PTOV1: variants seen among roughly 807,000 people sequenced by gnomAD.
The protein encoded by PTOV1 is PTOV1 extended AT-hook containing adaptor protein.
In PTOV1, 20 loss-of-function variants were observed where a neutral mutation model predicts 58.0. The observed-to-expected ratio is 0.34, with a 90% CI of 0.24 to 0.50. PTOV1 has a LOEUF of 0.50. PTOV1 is among the 20% of genes least tolerant of loss of function. The pLI is 0.98. For synonymous variants in PTOV1, 335 were observed against 234.2 expected (o/e 1.43, Z -3.93); for missense variants, 593 against 565.4 (o/e 1.05, Z -0.50).
In PTOV1 at chr19:49,858,496, G is replaced by A. The variant is rs545586929; in HGVS notation, c.937-53G>A. The A allele has an allele frequency of 2.6e-4, 381 of 1,447,598 alleles. 1 individual carries two copies. The African/African-American group carries it at 4.5e-3, about 17-fold the overall frequency. The allele number at this position is 1,447,598 out of a possible 1,614,324, so 89.7% of individuals were successfully genotyped here. On this transcript the variant is annotated intron_variant, in intron 9 of 11. Transcript: ENST00000391842. The stretch of plus-strand genomic sequence containing the variant: ...CGGGGGACTCAGCGGGCTGGGAGCC[G>A]GGAGGCCGTGGTGGGAGAAGCCAGA...
intron 9 of PTOV1, chr19:49,858,344 C>G (rs1600393773): frequency 1.4e-6 from 1 of 690,872 alleles, no homozygotes; most frequent in African/African-American, 1.8e-5. Flanking sequence ...CCACGACCTG[C>G]ACCTGGGGGG....
exon 10 of PTOV1, chr19:49,858,573 A>G (rs564883419): frequency 1.2e-6 from 2 of 1,603,910 alleles, no homozygotes; most frequent in Non-Finnish European, 8.5e-7. Flanking sequence ...GCTGTTCCGG[A>G]ACTCGCGCCT....
chr19:49,851,627 G>A, intron 1 of PTOV1, 128 bp downstream of exon 1: 1 of 1,074,746 alleles, frequency 9.3e-7, no homozygotes, highest in Non-Finnish European at 1.2e-6. Context: ...GGGTGGTCCC[G>A]CCCGGGGCCG....
At chr19:49,853,249 T>C (rs542065671) in intron 1 of PTOV1, 2 of 152,378 alleles carry the variant, frequency 1.3e-5, no homozygotes, top group Non-Finnish European at 1.5e-5. Context: ...CCTTATAATT[T>C]GTTTTCCCCC....
exon 7 of PTOV1, chr19:49,857,706 G>C: frequency 1.2e-6 from 2 of 1,614,054 alleles, no homozygotes; most frequent in Non-Finnish European, 1.7e-6. Context: ...GTGGGACCTG[G>C]TGGTGTCAAC....
chr19:49,860,406 G>A, exon 12 of PTOV1: 1 of 1,349,016 alleles, frequency 7.4e-7, no homozygotes, highest in South Asian at 1.4e-5. Context: ...TGGGAAAGAA[G>A]CAGGGCGACC....
At chr19:49,858,283 TC>T in intron 9 of PTOV1, 169 bp downstream of exon 9, 1 of 912,128 alleles carries the variant, frequency 1.1e-6, no homozygotes, top group Non-Finnish European at 1.6e-6. Flanking sequence ...CTTCAAGGGG[TC>T]CCAGGCAGCC....
rs369577757 is a variant in PTOV1, at chr19:49,856,970, C to T, written c.559-5C>T. Reference sequence around the variant, plus strand: ...CCACAGGGTCCTGACCCGCGGCCCCCGCAGGCGGGCTGCATGCTGTTCCCC... The same window carrying T: ...CCACAGGGTCCTGACCCGCGGCCCCTGCAGGCGGGCTGCATGCTGTTCCCC... On this transcript the variant is annotated splice_region_variant and splice_polypyrimidine_tract_variant and intron_variant, in intron 5 of 11. Coordinates refer to ENST00000391842, the Ensembl canonical transcript of PTOV1. The T allele has an allele frequency of 3.3e-5, 53 of 1,612,402 alleles. No homozygotes were observed. Among genetic ancestry groups the T allele is most frequent in the South Asian group, 1.3e-4 (12 of 91,012 alleles).
chr19:49,854,924 C>T (rs1474647268), intron 4 of PTOV1, 36 bp downstream of exon 4: 1 of 1,556,190 alleles, frequency 6.4e-7, no homozygotes, highest in South Asian at 1.2e-5. Flanking sequence ...CCACTCTGAG[C>T]ACCCCCATGC....
intron 1 of PTOV1, 23 bp from the exon 2 acceptor site, chr19:49,854,383 A>AC (rs2074370615): frequency 1.3e-6 from 2 of 1,596,362 alleles, no homozygotes. Flanking sequence ...CAGTTTTCCC[A>AC]CCTATCCCCC....
rs2074382441 is a variant in PTOV1 at position 49,854,651 on chromosome 19, G to C, written c.310-1G>C. On this transcript the variant is annotated splice_acceptor_variant, in intron 2 of 11. Transcript: ENST00000391842. LOFTEE classifies it high-confidence loss of function. ...CAGTGACGCCCCTCCTGCCCCCACA[G>C]AAGCGCAGACCCTACTCTGACTCCA... 6.2e-7 allele frequency: 1 copy of C among 1,613,318 alleles called. No homozygotes were observed. The highest frequency in any genetic ancestry group is 8.5e-7 in the Non-Finnish European group (1 of 1,179,954).
intron 10 of PTOV1, among the ~76,000 whole-genome samples, chr19:49,859,645 C>T (rs974451489): frequency 1.3e-5 from 2 of 152,152 alleles, no homozygotes; most frequent in African/African-American, 4.8e-5. Flanking sequence ...TTGTGCTGGG[C>T]CGGCCGCTGC....
upstream of PTOV1, chr19:49,850,735 A>C: frequency 1.1e-6 from 1 of 944,274 alleles, no homozygotes; most frequent in South Asian, 1.8e-5. Flanking sequence ...GCAAACCTTC[A>C]GCTGTCTCAG....
exon 12 of PTOV1, chr19:49,860,270 G>C: frequency 6.2e-7 from 1 of 1,613,204 alleles, no homozygotes; most frequent in Non-Finnish European, 8.5e-7. Flanking sequence ...CGCCGTAGAT[G>C]GGGGGGTAGT....
At chr19:49,851,352 G>T (rs1391715072) in exon 1 of PTOV1, 1 of 1,084,394 alleles carries the variant, frequency 9.2e-7, no homozygotes, top group African/African-American at 1.8e-5. Context: ...GCCGTGCCCC[G>T]TACCGCTCCG....
rs749343324 is a variant in PTOV1 at position 49,858,608 on chromosome 19, C to G, written c.996C>G (p.Asp332Glu). The G allele has an allele frequency of 3.7e-6, 6 of 1,606,088 alleles. No homozygotes were observed. In the African/African-American group the frequency reaches 6.7e-5, roughly 18 times the overall value. The change falls in exon 10 of 12, where the codon GAC becomes GAG. Residue 332 changes from aspartate (D) to glutamate (E), a missense_variant. By Grantham distance (45) the Asp-to-Glu change is conservative. Coordinates refer to ENST00000391842, the Ensembl canonical transcript of PTOV1. ...TGGTCCAGTTCCACTTCACCAAGGA[C>G]CTGGAGACACTGAAGAGCCTGTGCC...
chr19:49,856,938 G>A, intron 5 of PTOV1, 37 bp from the exon 6 acceptor site: 1 of 1,609,096 alleles, frequency 6.2e-7, no homozygotes, highest in Non-Finnish European at 8.5e-7. Context: ...GTGGCCCCGG[G>A]CAGTGACCAC....
intron 1 of PTOV1, among the ~76,000 whole-genome samples, chr19:49,853,784 T>C (rs1318528629): frequency 6.6e-6 from 1 of 152,226 alleles, no homozygotes; most frequent in East Asian, 1.9e-4. Flanking sequence ...CCCCTTTTCC[T>C]CGCTGTCTTT....
At chr19:49,860,644 G>C (rs1283982583) in exon 12 of PTOV1, 1 of 442,882 alleles carries the variant, frequency 2.3e-6, no homozygotes, top group African/African-American at 2.0e-5. Context: ...GGCCCCTGGG[G>C]ACTTCAACTG....
Sources: gnomAD v4.1 joint callset for allele counts (sites outside exome capture counted in the v4.1 genomes callset) on GRCh38, gnomAD v4.1.1 for gene constraint, MANE v1.5 for transcripts, NCBI Gene and HGNC (gene_info 2026-07-23, HGNC 2026-07-21) for gene names.